GATAD2A: variants seen among roughly 807,000 people sequenced by gnomAD.
GATAD2A encodes transcriptional repressor p66-alpha.
Under a neutral mutation model 68.5 loss-of-function variants are expected in GATAD2A, and 12 were observed. That is an observed-to-expected ratio of 0.18 (90% CI 0.11 to 0.28). The LOEUF (loss-of-function observed/expected upper bound fraction) is 0.28. GATAD2A is among the 10% of genes least tolerant of loss of function. GATAD2A has a pLI of 1.00. For synonymous variants in GATAD2A, 410 were observed against 375.3 expected, an observed-to-expected ratio of 1.09 and a Z score of -1.07; for missense variants, 755 against 868.5, an observed-to-expected ratio of 0.87 and a Z score of 1.64.
At chr19:19,404,258 A>AT (rs111838568), upstream of GATAD2A, among the ~76,000 whole-genome samples, 24,557 of 146,478 alleles carry the variant, frequency 0.17, 2,095 homozygotes, top group Middle Eastern at 0.31. Context: ...CAGAAAAACA[A>AT]TTTTTTTTTT....
intron 1 of GATAD2A, among the ~76,000 whole-genome samples, chr19:19,394,328 TG>T (rs1435259261): frequency 6.6e-6 from 1 of 152,134 alleles, no homozygotes; most frequent in Non-Finnish European, 1.5e-5. Context: ...TCAGACAAGC[TG>T]GGGCTGCCTG....
intron 1 of GATAD2A, among the ~76,000 whole-genome samples, chr19:19,430,055 C>T (rs1441456515): frequency 1.3e-5 from 2 of 152,096 alleles, no homozygotes; most frequent in African/African-American, 4.8e-5. Context: ...TCCTGATCCC[C>T]CTTCAAATCT....
intron 1 of GATAD2A, among the ~76,000 whole-genome samples, chr19:19,457,997 GA>G (rs2057091693): frequency 6.6e-6 from 1 of 152,182 alleles, no homozygotes; most frequent in Non-Finnish European, 1.5e-5. Context: ...CCACTGCAGG[GA>G]GACGATCTCT....
chr19:19,491,259 T>G (rs2059772309), intron 2 of GATAD2A, among the ~76,000 whole-genome samples: 1 of 152,100 alleles, frequency 6.6e-6, no homozygotes, highest in South Asian at 2.1e-4. Flanking sequence ...TGACCATACT[T>G]TGACAAAATA....
At chr19:19,443,375 C>G (rs2055330252) in intron 1 of GATAD2A, among the ~76,000 whole-genome samples, 1 of 152,164 alleles carries the variant, frequency 6.6e-6, no homozygotes, top group African/African-American at 2.4e-5. Flanking sequence ...CAATGGGAAA[C>G]AGGGCAAGCA....
At chr19:19,473,752 A>G (rs888468515) in intron 2 of GATAD2A, among the ~76,000 whole-genome samples, 64 of 150,804 alleles carry the variant, frequency 4.2e-4, no homozygotes, top group Non-Finnish European at 8.1e-4. Context: ...CCTGGCTAAC[A>G]TGGTGAAACC....
chr19:19,445,438 T>C (rs2055596755), intron 1 of GATAD2A, among the ~76,000 whole-genome samples: 1 of 152,254 alleles, frequency 6.6e-6, no homozygotes, highest in African/African-American at 2.4e-5. Flanking sequence ...TTCACCAGTT[T>C]TAACGTTTTT....
chr19:19,492,296 C>T lies in GATAD2A; in HGVS notation c.270-10C>T. ...AGGGCGCTCTGGTCACTACTGTCTC[C>T]ACCCCACAGTGACATGAAGTCCGAG... On this transcript the variant is annotated splice_polypyrimidine_tract_variant and intron_variant, in intron 2 of 11. Transcript: ENST00000683918. 3 of 1,597,478 alleles carry T rather than the reference C, an allele frequency of 1.9e-6. No individual in the cohort carries two copies. Among genetic ancestry groups the T allele is most frequent in the Non-Finnish European group, 2.6e-6 (3 of 1,172,128 alleles).
chr19:19,406,754 C>G (rs1177375494), intron 1 of GATAD2A, among the ~76,000 whole-genome samples: 1 of 152,178 alleles, frequency 6.6e-6, no homozygotes, highest in Admixed American at 6.5e-5. Flanking sequence ...CGGAATTGAT[C>G]ACTTCAACAA....
At chr19:19,479,180 T>C (rs1157626572) in intron 2 of GATAD2A, among the ~76,000 whole-genome samples, 2 of 152,240 alleles carry the variant, frequency 1.3e-5, no homozygotes, top group Non-Finnish European at 2.9e-5. Flanking sequence ...AACCTCATCA[T>C]TGAGCTTTTT....
chr19:19,478,565 G>A (rs1299255452), intron 2 of GATAD2A, among the ~76,000 whole-genome samples: 1 of 151,848 alleles, frequency 6.6e-6, no homozygotes, highest in East Asian at 1.9e-4. Flanking sequence ...CTGCACTCCA[G>A]CCTCGGCGAC....
intron 1 of GATAD2A, among the ~76,000 whole-genome samples, chr19:19,460,484 C>A (rs2057333054): frequency 6.6e-6 from 1 of 152,206 alleles, no homozygotes; most frequent in Non-Finnish European, 1.5e-5. Flanking sequence ...GCCCTTCTTC[C>A]TTCCTGATAG....
Position 19,457,904 on chromosome 19 carries a change from G to A in GATAD2A, c.-6-7436G>A, listed in dbSNP as rs1348281327. On this transcript the variant is annotated intron_variant, in intron 1 of 11. Coordinates refer to ENST00000683918, the MANE Select transcript of GATAD2A (RefSeq NM_001384528.1). ...GTACCTTGTGGGATGACACATGCCC[G>A]TCTCCAACTCATGCAGGCTCTCAGT... 2.0e-5 allele frequency among the ~76,000 whole-genome samples: 3 copies of A among 152,190 alleles called. No individual in the cohort carries two copies. The South Asian group carries it at 6.2e-4, about 32-fold the overall frequency.
chr19:19,394,484 T>G (rs1470697435), intron 1 of GATAD2A, among the ~76,000 whole-genome samples: 17 of 150,190 alleles, frequency 1.1e-4, no homozygotes, highest in Non-Finnish European at 2.2e-4. Context: ...CTCGCTGTGT[T>G]GCCCAGGTTG....
chr19:19,408,557 CAT>C lies in GATAD2A; in HGVS notation c.-7+2539_-7+2540del, dbSNP rs1327469582. Among the ~76,000 whole-genome samples, 17 of 152,232 alleles carry C rather than the reference CAT, an allele frequency of 1.1e-4. No homozygotes were observed. In the East Asian group the frequency reaches 2.1e-3, roughly 19 times the overall value. ...TGTGTGTATGTTTTTAATGAGGAAA[CAT>C]GTTTTAAATACTCTAATTTTCAACT... On this transcript the variant is annotated intron_variant, in intron 1 of 11. Transcript: ENST00000683918.
At chr19:19,415,998 C>T (rs564072038) in intron 1 of GATAD2A, among the ~76,000 whole-genome samples, 3 of 151,982 alleles carry the variant, frequency 2.0e-5, no homozygotes, top group Non-Finnish European at 4.4e-5. Context: ...TGCTCTGTCA[C>T]CCAGGCTAGA....
At chr19:19,439,116 C>T (rs1289715976) in intron 1 of GATAD2A, among the ~76,000 whole-genome samples, 2 of 152,226 alleles carry the variant, frequency 1.3e-5, no homozygotes, top group African/African-American at 4.8e-5. Context: ...CCTCAATGTG[C>T]CCAGCAGCTC....
intron 9 of GATAD2A, among the ~76,000 whole-genome samples, 189 bp from the exon 10 acceptor site, chr19:19,501,780 C>T (rs1467965987): frequency 2.0e-5 from 3 of 152,156 alleles, no homozygotes; most frequent in Non-Finnish European, 2.9e-5. Flanking sequence ...CTTGTAGACT[C>T]GAAGCTCCCT....
At chr19:19,419,465 A>C (rs2052067780) in intron 1 of GATAD2A, among the ~76,000 whole-genome samples, 1 of 148,600 alleles carries the variant, frequency 6.7e-6, no homozygotes, top group African/African-American at 2.5e-5. Flanking sequence ...GTTAACGTGC[A>C]CTTAGAGGAA....
Sources: allele counts gnomAD v4.1 joint callset (sites outside exome capture counted in the v4.1 genomes callset), GRCh38; gene constraint gnomAD v4.1.1; transcripts MANE v1.5; gene names NCBI Gene and HGNC (gene_info 2026-07-23, HGNC 2026-07-21).